The following SMG7 variants were observed in gnomAD, a reference collection of about 807,000 sequenced individuals.
SMG7 encodes nonsense-mediated mRNA decay factor SMG7.
Under a neutral mutation model 148.2 loss-of-function variants are expected in SMG7, and 34 were observed. That is an observed-to-expected ratio of 0.23 (90% CI 0.17 to 0.31). The LOEUF is 0.31. SMG7 is among the 10% of genes least tolerant of loss of function. The probability of loss-of-function intolerance (pLI) is 1.00; values close to 1 mark genes in which losing one functional copy is unlikely to be tolerated. For synonymous variants in SMG7, 492 were observed against 515.1 expected, an observed-to-expected ratio of 0.96 and a Z score of 0.61; for missense variants, 1,114 against 1,408.4, an observed-to-expected ratio of 0.79 and a Z score of 3.35.
intron 15 of SMG7, 122 bp from the exon 16 acceptor site, chr1:183,544,808 G>A (rs1572088919): frequency 2.0e-6 from 2 of 1,014,458 alleles, no homozygotes; most frequent in East Asian, 4.8e-5. Flanking sequence ...TTGACAACAT[G>A]ACTAATCTCT....
Position 183,552,723 on chromosome 1 carries a change from A to C in SMG7, c.*792A>C. On this transcript the variant is annotated 3_prime_UTR_variant, in exon 23 of 23. Transcript: ENST00000688051. ...GCAGGTAGACTGCTGTAGGATTTCAAATTACGTTTTTGATTCCTGTACATT... is the reference window on the plus strand; with the variant it reads ...GCAGGTAGACTGCTGTAGGATTTCACATTACGTTTTTGATTCCTGTACATT... 3 of 1,310,998 alleles carry C rather than the reference A, an allele frequency of 2.3e-6. No individual in the cohort carries two copies. Among genetic ancestry groups the C allele is most frequent in the Non-Finnish European group, 2.9e-6 (3 of 1,026,874 alleles). 81.2% of individuals were successfully genotyped at this position (1,310,998 alleles called of 1,614,324 possible). A position where few individuals can be genotyped will look rare whatever the true frequency, so the allele number is the denominator to read the frequency against.
intron 1 of SMG7, among the ~76,000 whole-genome samples, chr1:183,492,724 CTTCT>C (rs1657377666): frequency 6.6e-6 from 1 of 151,980 alleles, no homozygotes; most frequent in South Asian, 2.1e-4. Context: ...TATTTCCTTC[CTTCT>C]ACTTTATTTG....
chr1:183,548,731 A>G lies in SMG7; in HGVS notation c.2893-477A>G, dbSNP rs563067716. Among the ~76,000 whole-genome samples the G allele has an allele frequency of 5.9e-5, 9 of 152,340 alleles. No homozygotes were observed. In the South Asian group the frequency reaches 1.9e-3, roughly 32 times the overall value. On this transcript the variant is annotated intron_variant, in intron 18 of 22. Coordinates refer to ENST00000688051, the MANE Select transcript of SMG7 (RefSeq NM_001375584.1). ...CTTGACTTTTAGCAACTGTTTTACT[A>G]TATACTGCAAATAGAGCTGCTTAAA...
chr1:183,529,009 ATCTGC>A lies in SMG7; in HGVS notation c.675_679del (p.Asn225LysfsTer6). The stretch of plus-strand genomic sequence containing the variant: ...TTCCCTTTCCCAGCTGCCTCCACTA[ATCTGC>A]AAAAAGCACTTTCTAAAGCACTGGA... On this transcript the variant is annotated frameshift_variant, in exon 7 of 23. Transcript: ENST00000688051. LOFTEE classifies it high-confidence loss of function. The A allele has an allele frequency of 6.2e-7, 1 of 1,613,296 alleles. No homozygotes were observed.
At chr1:183,543,575 T>C (rs943734308) in intron 14 of SMG7, among the ~76,000 whole-genome samples, 2 of 152,186 alleles carry the variant, frequency 1.3e-5, no homozygotes, top group African/African-American at 4.8e-5. Context: ...CTCCATTCTC[T>C]GTAACTGCTC....
At position 183,546,278 on chromosome 1, in the gene SMG7, A is replaced by C; in HGVS notation, c.2683A>C (p.Lys895Gln). The part of the protein sequence containing the change: ...AQQANIDRRG[K>Q]RSPGVFRPEQ... ...GCAAGCAAACATAGACCGCAGGGGC[A>C]AACGGTCACCAGGAGTCTTCCGTCC... The change falls in exon 17 of 23, where the codon AAA becomes CAA. Residue 895 changes from lysine to glutamine, a missense_variant. Physicochemically the swap from Lys to Gln is moderately conservative, Grantham distance 53. Around this residue, in one of 4 missense-constraint regions of SMG7, gnomAD observed 788 missense variants for 894.5 expected, o/e 0.88. Transcript: ENST00000688051. 1.2e-6 allele frequency: 2 copies of C among 1,614,050 alleles called. No individual in the cohort carries two copies. The highest frequency in any genetic ancestry group is 2.2e-5 in the South Asian group (2 of 91,080).
intron 20 of SMG7, among the ~76,000 whole-genome samples, chr1:183,550,323 G>C (rs1325646225): frequency 6.6e-6 from 1 of 152,066 alleles, no homozygotes; most frequent in Admixed American, 6.5e-5. Context: ...TTCCATCTCA[G>C]CCTCCCAAGT....
chr1:183,513,832 C>T (rs565248829), intron 2 of SMG7, among the ~76,000 whole-genome samples: 1 of 151,808 alleles, frequency 6.6e-6, no homozygotes. Flanking sequence ...GAGTTCGAGA[C>T]CAGTCTGGCC....
intron 4 of SMG7, among the ~76,000 whole-genome samples, chr1:183,523,894 C>G (rs560886869): frequency 1.3e-5 from 2 of 151,536 alleles, no homozygotes; most frequent in African/African-American, 4.8e-5. Context: ...CTTTAACCCT[C>G]TCATGTTTCT....
chr1:183,511,795 G>A (rs1485428745), intron 1 of SMG7, among the ~76,000 whole-genome samples: 3 of 152,192 alleles, frequency 2.0e-5, no homozygotes, highest in Admixed American at 2.0e-4. Flanking sequence ...TTGAATGAGA[G>A]TGGCTGAAGA....
Position 183,552,793 on chromosome 1 carries a change from ATTCACAGCCTGACACG to A in SMG7, c.*866_*881del. On this transcript the variant is annotated 3_prime_UTR_variant, in exon 23 of 23. Coordinates refer to ENST00000688051, the MANE Select transcript of SMG7 (RefSeq NM_001375584.1). ...AGTCTCACAGAAGGCAGGCTAGTCC[ATTCACAGCCTGACACG>A]TTCTAATAGGTAGAAGCTTTCAGTG... 1.4e-6 allele frequency: 2 copies of A among 1,417,188 alleles called. No homozygotes were observed. Among genetic ancestry groups the A allele is most frequent in the South Asian group, 3.2e-5 (2 of 63,446 alleles). The allele number at this position is 1,417,188 out of a possible 1,614,324, so 87.8% of individuals were successfully genotyped here.
Position 183,538,436 on chromosome 1 carries a change from T to G in SMG7, c.1291T>G (p.Phe431Val), listed in dbSNP as rs748878994. Residue 431 changes from phenylalanine to valine, a missense_variant, in exon 12 of 23, where the codon TTC becomes GTC. This residue lies in a region of SMG7 where 102 missense variants were observed against 147.2 expected (regional missense o/e 0.69). Coordinates refer to ENST00000688051, the MANE Select transcript of SMG7 (RefSeq NM_001375584.1). ...AGGATTTTTGGCATTGAGACCTTCTTTCAGGTAGGTGATAGCTGAAGTACC... is the reference window on the plus strand; with the variant it reads ...AGGATTTTTGGCATTGAGACCTTCTGTCAGGTAGGTGATAGCTGAAGTACC... ...LQGFLALRPS[F>V]RNLDFSKGHQ... 2 of 1,604,592 alleles carry G rather than the reference T, an allele frequency of 1.2e-6. No homozygotes were observed. The highest frequency in any genetic ancestry group is 8.5e-7 in the Non-Finnish European group (1 of 1,171,342).
chr1:183,509,973 A>G lies in SMG7; in HGVS notation c.30-2864A>G, dbSNP rs1406980332. On this transcript the variant is annotated intron_variant, in intron 1 of 22. Transcript: ENST00000688051. Reference sequence around the variant, plus strand: ...CAGATTGTTTGTAAATTACATTACTATTATATACCCCATATAATCTTTGAC... The same window carrying G: ...CAGATTGTTTGTAAATTACATTACTGTTATATACCCCATATAATCTTTGAC... 2.0e-5 allele frequency among the ~76,000 whole-genome samples: 3 copies of G among 152,326 alleles called. No homozygotes were observed. In the East Asian group the frequency reaches 5.8e-4, roughly 29 times the overall value.
chr1:183,537,189 A>T lies in SMG7; in HGVS notation c.1208A>T (p.His403Leu). 1 of 1,612,770 alleles carries T rather than the reference A, an allele frequency of 6.2e-7. No individual in the cohort carries two copies. Among genetic ancestry groups the T allele is most frequent in the Non-Finnish European group, 8.5e-7 (1 of 1,178,888 alleles). Reference sequence around the variant, plus strand: ...TCTCTTCTGAATAGTTTCCATCCCCATGAAGAGGACCTCTCAAGTATTAGT... The same window carrying T: ...TCTCTTCTGAATAGTTTCCATCCCCTTGAAGAGGACCTCTCAAGTATTAGT... ...LISLLNSFHPHEEDLSSISAT... is the reference protein window; with the variant it reads ...LISLLNSFHPLEEDLSSISAT... The change falls in exon 11 of 23, where the codon CAT (histidine) becomes CTT (leucine). Residue 403 changes from histidine to leucine, a missense_variant. His to Leu is a moderately conservative substitution (Grantham distance 99, BLOSUM62 -3). Around this residue, in one of 4 missense-constraint regions of SMG7, gnomAD observed 102 missense variants for 147.2 expected, o/e 0.69. Coordinates refer to ENST00000688051, the MANE Select transcript of SMG7 (RefSeq NM_001375584.1).
chr1:183,553,532 T>C lies in SMG7; in HGVS notation c.*1601T>C, dbSNP rs1671380711. On this transcript the variant is annotated 3_prime_UTR_variant, in exon 23 of 23. Coordinates refer to ENST00000688051, the MANE Select transcript of SMG7 (RefSeq NM_001375584.1). ...AAAGCACATCCAGGAGCCCCAGTTG[T>C]CACTGCAGTCTGGGCAACCCCAGCA... 4.0e-6 allele frequency: 1 copy of C among 252,198 alleles called. No homozygotes were observed. Among genetic ancestry groups the C allele is most frequent in the African/African-American group, 2.2e-5 (1 of 44,570 alleles). The allele number at this position is 252,198 out of a possible 1,614,324, so 15.6% of individuals were successfully genotyped here. A position where few individuals can be genotyped will look rare whatever the true frequency, so the allele number is the denominator to read the frequency against.
chr1:183,547,933 A>C (rs1481176508), intron 18 of SMG7, among the ~76,000 whole-genome samples: 1 of 152,222 alleles, frequency 6.6e-6, no homozygotes, highest in Non-Finnish European at 1.5e-5. Flanking sequence ...ATTATATTTT[A>C]CTGTGGGTGG....
At chr1:183,520,247 A>G (rs1281932484) in intron 4 of SMG7, among the ~76,000 whole-genome samples, 4 of 152,162 alleles carry the variant, frequency 2.6e-5, no homozygotes, top group African/African-American at 7.2e-5. Context: ...AAGATTTTAT[A>G]AGATGAAAAG....
chr1:183,535,717 G>A (rs1416044358), intron 10 of SMG7, among the ~76,000 whole-genome samples: 1 of 152,062 alleles, frequency 6.6e-6, no homozygotes, highest in Admixed American at 6.6e-5. Flanking sequence ...ATGAATACAT[G>A]GAATAGTGAT....
At chr1:183,492,615 A>G (rs1028512247) in intron 1 of SMG7, among the ~76,000 whole-genome samples, 3 of 152,230 alleles carry the variant, frequency 2.0e-5, no homozygotes, top group Admixed American at 2.0e-4. Flanking sequence ...CAATTGTGTT[A>G]TAACTATAGT....
Sources: allele counts gnomAD v4.1 joint callset (sites outside exome capture counted in the v4.1 genomes callset), GRCh38; gene constraint gnomAD v4.1.1; regional missense constraint gnomAD v4.1.1; transcripts MANE v1.5; gene names NCBI Gene and HGNC (gene_info 2026-07-23, HGNC 2026-07-21).